The following ITGA8 variants were observed in gnomAD, a reference collection of about 807,000 sequenced individuals.
ITGA8 encodes the protein integrin subunit alpha 8, also known as integrin alpha-8.
A neutral mutation model predicts 142.3 loss-of-function variants in ITGA8; 91 were observed. The observed-to-expected ratio is 0.64, with a 90% CI of 0.54 to 0.76. ITGA8 has a LOEUF of 0.76. Ranked by LOEUF, ITGA8 falls within the 30% of genes least tolerant of loss-of-function variation. The probability of loss-of-function intolerance (pLI) is 0.00; values close to 1 mark genes in which losing one functional copy is unlikely to be tolerated. For missense variants in ITGA8, 1,406 were observed against 1,327.7 expected (o/e 1.06, Z -0.92); for synonymous variants, 505 against 485.2 (o/e 1.04, Z -0.54).
At chr10:15,649,191 A>G (rs893390363) in intron 11 of ITGA8, among the ~76,000 whole-genome samples, 1 of 152,226 alleles carries the variant, frequency 6.6e-6, no homozygotes, top group Admixed American at 6.5e-5. Flanking sequence ...TTGTAAAAGT[A>G]AAATGTACAA....
At chr10:15,694,070 A>T (rs968282140) in intron 2 of ITGA8, among the ~76,000 whole-genome samples, 1 of 147,424 alleles carries the variant, frequency 6.8e-6, no homozygotes, top group Non-Finnish European at 1.5e-5. Context: ...ACATATTTTT[A>T]AAAATCTATC....
At chr10:15,711,607 A>C in intron 2 of ITGA8, among the ~76,000 whole-genome samples, 1 of 152,000 alleles carries the variant, frequency 6.6e-6, no homozygotes, top group East Asian at 1.9e-4. Context: ...ACAGGCAGTC[A>C]TGTATCCCCC....
At chr10:15,654,909 A>G (rs1834154741) in intron 11 of ITGA8, among the ~76,000 whole-genome samples, 1 of 152,200 alleles carries the variant, frequency 6.6e-6, no homozygotes, top group Non-Finnish European at 1.5e-5. Context: ...TTCAACTGTA[A>G]TTTACTACTG....
intron 28 of ITGA8, among the ~76,000 whole-genome samples, chr10:15,524,848 A>G (rs1833138698): frequency 1.3e-5 from 2 of 152,202 alleles, no homozygotes; most frequent in Admixed American, 1.3e-4. Flanking sequence ...TAATATCTAT[A>G]TTTGTCTTAC....
At chr10:15,687,094 A>T (rs1834845589) in intron 3 of ITGA8, among the ~76,000 whole-genome samples, 1 of 152,182 alleles carries the variant, frequency 6.6e-6, no homozygotes. Context: ...TGAATGTTGG[A>T]TTTCTTAACT....
In ITGA8 at chr10:15,658,866, T is replaced by C. The variant is rs187096356; in HGVS notation, c.948+133A>G. ...GTCTGATGCATGATTGCATCCCCGG[T>C]GCCTAGGACAGTTTCCAGTACGTAG... On this transcript the variant is annotated intron_variant, in intron 10 of 29. Coordinates refer to ENST00000378076, the MANE Select transcript of ITGA8 (RefSeq NM_003638.3). The C allele has an allele frequency of 3.5e-4, 219 of 623,698 alleles. 1 individual carries two copies. The African/African-American group carries it at 4.0e-3, about 11-fold the overall frequency. The allele number at this position is 623,698 out of a possible 1,614,324, so 38.6% of individuals were successfully genotyped here.
intron 8 of ITGA8, among the ~76,000 whole-genome samples, chr10:15,668,818 TC>T (rs1834449425): frequency 6.6e-6 from 1 of 152,218 alleles, no homozygotes; most frequent in Admixed American, 6.5e-5. Context: ...TGTTGAAAAT[TC>T]TTTTCTTTAA....
chr10:15,702,643 C>G (rs1433643341), intron 2 of ITGA8, among the ~76,000 whole-genome samples: 1 of 152,110 alleles, frequency 6.6e-6, no homozygotes, highest in African/African-American at 2.4e-5. Context: ...GTTGGGCTTC[C>G]TTTCCATTTG....
intron 26 of ITGA8, among the ~76,000 whole-genome samples, chr10:15,557,528 T>A (rs937347221): frequency 3.3e-5 from 5 of 152,146 alleles, no homozygotes; most frequent in African/African-American, 9.7e-5. Flanking sequence ...ATTCTTTTTT[T>A]AAAAAGTAGA....
chr10:15,666,660 A>G (rs112613349), intron 8 of ITGA8, among the ~76,000 whole-genome samples: 1 of 152,294 alleles, frequency 6.6e-6, no homozygotes, highest in Admixed American at 6.5e-5. Context: ...TGGGTTTGTC[A>G]TAGATAGCTC....
chr10:15,612,948 G>A (rs1219980103), intron 15 of ITGA8, among the ~76,000 whole-genome samples: 4 of 152,196 alleles, frequency 2.6e-5, no homozygotes, highest in African/African-American at 9.7e-5. Context: ...ATCACCTGAG[G>A]TCAGGAGTTC....
chr10:15,601,099 C>A (rs926066827), intron 20 of ITGA8, among the ~76,000 whole-genome samples: 1 of 151,934 alleles, frequency 6.6e-6, no homozygotes, highest in Non-Finnish European at 1.5e-5. Flanking sequence ...ATTAGTCAGG[C>A]GTGGTGGTGG....
chr10:15,638,248 GTTAAT>G, intron 13 of ITGA8, among the ~76,000 whole-genome samples: 1 of 152,240 alleles, frequency 6.6e-6, no homozygotes. Context: ...GAGGTGCCGT[GTTAAT>G]TTATTTTGAG....
Position 15,698,620 on chromosome 10 carries a change from G to A in ITGA8, c.344-10582C>T, listed in dbSNP as rs555727781. On this transcript the variant is annotated intron_variant, in intron 2 of 29. Coordinates refer to ENST00000378076, the MANE Select transcript of ITGA8 (RefSeq NM_003638.3). ...ATAGCCATTCTTGCAGGAGTGAGGT[G>A]GTATCACATCGTGGTTTTGATTTGC... Among the ~76,000 whole-genome samples the A allele has an allele frequency of 1.6e-4, 24 of 152,234 alleles. No homozygotes were observed. In the South Asian group the frequency reaches 4.2e-3, roughly 26 times the overall value.
At chr10:15,717,391 G>A (rs1469895131) in intron 2 of ITGA8, among the ~76,000 whole-genome samples, 3 of 152,134 alleles carry the variant, frequency 2.0e-5, no homozygotes, top group Non-Finnish European at 4.4e-5. Flanking sequence ...TTAATTTTGT[G>A]TTTAAATGTT....
At chr10:15,581,146 C>A (rs1183517759) in intron 23 of ITGA8, among the ~76,000 whole-genome samples, 1 of 152,088 alleles carries the variant, frequency 6.6e-6, no homozygotes, top group Non-Finnish European at 1.5e-5. Context: ...CCAGAAAGAC[C>A]AACAATGTGA....
At chr10:15,555,837 A>G (rs2131564716) in intron 26 of ITGA8, among the ~76,000 whole-genome samples, 1 of 151,698 alleles carries the variant, frequency 6.6e-6, no homozygotes, top group East Asian at 2.0e-4. Flanking sequence ...CTGGGACTAC[A>G]GGCACCCACC....
At chr10:15,651,527 G>C (rs973910181) in intron 11 of ITGA8, among the ~76,000 whole-genome samples, 3 of 151,080 alleles carry the variant, frequency 2.0e-5, no homozygotes, top group African/African-American at 7.3e-5. Context: ...GTCACTTATT[G>C]ACAGTTTTTT....
Position 15,646,882 on chromosome 10 carries a change from C to T in ITGA8, c.1171G>A (p.Ala391Thr), listed in dbSNP as rs772410258. 2.3e-5 allele frequency: 37 copies of T among 1,613,772 alleles called. No homozygotes were observed. The highest frequency in any genetic ancestry group is 3.1e-5 in the Non-Finnish European group (36 of 1,179,994). Residue 391 changes from alanine (A) to threonine (T), a missense_variant, in exon 12 of 30, where the codon GCA (alanine) becomes ACA (threonine). Ala to Thr is a moderately conservative substitution (Grantham distance 58, BLOSUM62 0). Transcript: ENST00000378076. ...TCTTGGTTCAGGTCTCCTAAGTGTG[C>T]CATAGCACTACCGAATCTCCCAAAC... ...ETFGRFGSAM[A>T]HLGDLNQDGY...
Sources: allele counts gnomAD v4.1 joint callset (sites outside exome capture counted in the v4.1 genomes callset), GRCh38; gene constraint gnomAD v4.1.1; transcripts MANE v1.5; gene names NCBI Gene and HGNC (gene_info 2026-07-23, HGNC 2026-07-21).